The following HORMAD2 variants were observed in gnomAD, a reference collection of about 807,000 sequenced individuals.
The protein encoded by HORMAD2 is HORMA domain containing 2, also known as HORMA domain-containing protein 2.
A neutral mutation model predicts 38.8 loss-of-function variants in HORMAD2; 45 were observed. The observed-to-expected ratio is 1.16, with a 90% CI of 0.91 to 1.49. HORMAD2 has a LOEUF of 1.49. Among genes scored for constraint, HORMAD2 ranks in the 40% most tolerant of loss-of-function variants. The probability of loss-of-function intolerance (pLI) is 0.00; values close to 1 mark genes in which losing one functional copy is unlikely to be tolerated. For synonymous variants in HORMAD2, 126 were observed against 122.8 expected, an observed-to-expected ratio of 1.03 and a Z score of -0.17; for missense variants, 338 against 367.0, an observed-to-expected ratio of 0.92 and a Z score of 0.65.
the HORMAD2 span, among the ~76,000 whole-genome samples, chr22:30,193,255 A>G: frequency 6.6e-6 from 1 of 152,196 alleles, no homozygotes; most frequent in South Asian, 2.1e-4. Flanking sequence ...AGAAGGCTAT[A>G]TTTAGTAAAC....
chr22:30,091,272 T>C (rs867581334), intron 1 of HORMAD2, among the ~76,000 whole-genome samples: 170 of 146,730 alleles, frequency 1.2e-3, no homozygotes, highest in African/African-American at 3.9e-3. Flanking sequence ...CTTTCTTTTT[T>C]TTTTTTTTTT....
the HORMAD2 span, among the ~76,000 whole-genome samples, chr22:30,186,009 G>A: frequency 1.3e-5 from 2 of 151,716 alleles, no homozygotes; most frequent in African/African-American, 2.4e-5. Flanking sequence ...TTTTTCTTGG[G>A]GGGGGAGGCA....
intron 5 of HORMAD2, 200 bp downstream of exon 5, chr22:30,104,637 C>G: frequency 2.2e-6 from 1 of 453,744 alleles, no homozygotes; most frequent in Non-Finnish European, 3.9e-6. Context: ...CTCATTTTTT[C>G]TCTTTTACAT....
intron 10 of HORMAD2, among the ~76,000 whole-genome samples, chr22:30,147,666 G>A (rs1052557407): frequency 1.3e-5 from 2 of 151,984 alleles, no homozygotes; most frequent in Non-Finnish European, 2.9e-5. Flanking sequence ...AAAATGAAAA[G>A]GCAAGCCAAA....
chr22:30,098,260 A>C (rs1920923716), intron 2 of HORMAD2, among the ~76,000 whole-genome samples: 1 of 152,356 alleles, frequency 6.6e-6, no homozygotes, highest in Middle Eastern at 3.4e-3. Flanking sequence ...CAGCTATAAA[A>C]GAGAAAAAGC....
the HORMAD2 span, among the ~76,000 whole-genome samples, chr22:30,197,846 C>T: frequency 6.6e-6 from 1 of 152,014 alleles, no homozygotes; most frequent in Non-Finnish European, 1.5e-5. Context: ...TTCCCATCAC[C>T]ATTGCCTTCC....
chr22:30,122,419 G>C (rs761127502), intron 10 of HORMAD2, among the ~76,000 whole-genome samples: 4 of 151,960 alleles, frequency 2.6e-5, no homozygotes, highest in Non-Finnish European at 5.9e-5. Context: ...TCCATAACTA[G>C]GAGGAAAAAG....
rs145065672 is a variant in HORMAD2, at chr22:30,085,815, C to T, written c.-38+5324C>T. Among the ~76,000 whole-genome samples the T allele has an allele frequency of 2.5e-4, 38 of 152,278 alleles. No individual in the cohort carries two copies. The East Asian group carries it at 6.4e-3, about 25-fold the overall frequency. On this transcript the variant is annotated intron_variant, in intron 1 of 10. Transcript: ENST00000336726. Reference sequence around the variant, plus strand: ...GAGCTAGACTGACACAACAGCTAGACACAATTTTGCTCTCATGTTAGCTCA... The same window carrying T: ...GAGCTAGACTGACACAACAGCTAGATACAATTTTGCTCTCATGTTAGCTCA...
intron 1 of HORMAD2, 115 bp from the exon 2 acceptor site, chr22:30,093,801 T>G (rs564064161): frequency 1.5e-5 from 8 of 545,336 alleles, no homozygotes; most frequent in African/African-American, 1.4e-4. Context: ...CTTAACTGTC[T>G]TTGATTTTAA....
chr22:30,177,715 C>CT (rs59806772), downstream of HORMAD2, among the ~76,000 whole-genome samples: 23,260 of 94,830 alleles, frequency 0.25, 3,516 homozygotes, highest in East Asian at 0.4. Context: ...TAAGGAGGAG[C>CT]TTTTTTTTTT....
intron 7 of HORMAD2, among the ~76,000 whole-genome samples, chr22:30,114,968 G>T (rs1190524379): frequency 6.6e-6 from 1 of 152,150 alleles, no homozygotes; most frequent in African/African-American, 2.4e-5. Context: ...GCAAGTATTA[G>T]TAAAACATGT....
chr22:30,103,305 G>C (rs1920971106), intron 3 of HORMAD2, 132 bp from the exon 4 acceptor site: 5 of 611,424 alleles, frequency 8.2e-6, no homozygotes, highest in Admixed American at 3.1e-5. Flanking sequence ...GATCCAAAAT[G>C]TTTTTATAAG....
chr22:30,084,599 C>T (rs576367567), intron 1 of HORMAD2, among the ~76,000 whole-genome samples: 5 of 152,158 alleles, frequency 3.3e-5, no homozygotes, highest in Non-Finnish European at 7.4e-5. Context: ...TCTGTTGACT[C>T]AGCAAATATT....
intron 10 of HORMAD2, among the ~76,000 whole-genome samples, chr22:30,129,885 A>G (rs1923156786): frequency 6.6e-6 from 1 of 152,138 alleles, no homozygotes; most frequent in Admixed American, 6.5e-5. Context: ...GGCAAGTTGG[A>G]AAGTCCAGTA....
chr22:30,134,433 A>C (rs988437009), intron 10 of HORMAD2, among the ~76,000 whole-genome samples: 4 of 147,518 alleles, frequency 2.7e-5, no homozygotes, highest in African/African-American at 9.9e-5. Flanking sequence ...TTATACTTAA[A>C]GTATAATCAT....
chr22:30,078,846 G>C (rs2068421763), upstream of HORMAD2, among the ~76,000 whole-genome samples: 2 of 152,018 alleles, frequency 1.3e-5, no homozygotes, highest in African/African-American at 4.8e-5. Context: ...AAATGCGGAG[G>C]CTGAGAAGGG....
intron 1 of HORMAD2, among the ~76,000 whole-genome samples, chr22:30,093,340 G>A (rs1305750597): frequency 6.6e-6 from 1 of 152,096 alleles, no homozygotes; most frequent in Non-Finnish European, 1.5e-5. Context: ...CTTCTGAGTT[G>A]AATTTGCAAA....
chr22:30,101,581 A>G (rs896731438), intron 3 of HORMAD2, among the ~76,000 whole-genome samples: 4 of 152,054 alleles, frequency 2.6e-5, no homozygotes, highest in African/African-American at 9.7e-5. Flanking sequence ...TCCAGAACTT[A>G]AAGTATTAAA....
At chr22:30,165,593 G>A (rs1925727853) in intron 10 of HORMAD2, among the ~76,000 whole-genome samples, 1 of 152,036 alleles carries the variant, frequency 6.6e-6, no homozygotes, top group Non-Finnish European at 1.5e-5. Context: ...GCTTAAGAGG[G>A]TCTTCCCAAT....
Sources: gnomAD v4.1 joint callset for allele counts (sites outside exome capture counted in the v4.1 genomes callset) on GRCh38, gnomAD v4.1.1 for gene constraint, MANE v1.5 for transcripts, NCBI Gene and HGNC (gene_info 2026-07-23, HGNC 2026-07-21) for gene names.